KDM1A: variants seen among roughly 807,000 people sequenced by gnomAD.
KDM1A encodes lysine demethylase 1A.
In KDM1A, 49 loss-of-function variants were observed where a neutral mutation model predicts 109.4. The observed-to-expected ratio is 0.45, with a 90% CI of 0.36 to 0.57. KDM1A has a LOEUF of 0.57. Ranked by LOEUF, KDM1A falls within the 20% of genes least tolerant of loss-of-function variation. The probability of loss-of-function intolerance (pLI) is 0.00; values close to 1 mark genes in which losing one functional copy is unlikely to be tolerated. For missense variants in KDM1A, 668 were observed against 1,116.6 expected (o/e 0.60, Z 5.73); for synonymous variants, 380 against 415.4 (o/e 0.91, Z 1.04).
rs1373493713 is a variant in KDM1A at position 23,019,507 on chromosome 1, A to G, written c.-90A>G. The G allele has an allele frequency of 2.3e-6, 3 of 1,304,562 alleles. No individual in the cohort carries two copies. The highest frequency in any genetic ancestry group is 3.0e-5 in the African/African-American group (2 of 65,782). The allele number at this position is 1,304,562 out of a possible 1,614,324, so 80.8% of individuals were successfully genotyped here. On this transcript the variant is annotated 5_prime_UTR_variant, in exon 1 of 21. Transcript: ENST00000400181. Reference sequence around the variant, plus strand: ...CGACGGCGGTTGGCGGCGCGCGGGCAGCGTGAAGCGAGGCGAGGCAAGGCT... The same window carrying G: ...CGACGGCGGTTGGCGGCGCGCGGGCGGCGTGAAGCGAGGCGAGGCAAGGCT...
At chr1:23,059,293 G>T (rs750791315) in intron 9 of KDM1A, 126 bp downstream of exon 9, 21 of 763,406 alleles carry the variant, frequency 2.8e-5, no homozygotes, top group African/African-American at 2.7e-4. Flanking sequence ...ATAAACTGAG[G>T]GTAGAGATGA....
At chr1:23,044,772 T>C (rs552737368) in intron 3 of KDM1A, among the ~76,000 whole-genome samples, 3 of 152,038 alleles carry the variant, frequency 2.0e-5, no homozygotes, top group South Asian at 2.1e-4. Flanking sequence ...AAACATGATA[T>C]AGAACATAGA....
chr1:23,066,138 A>G, intron 10 of KDM1A, 67 bp downstream of exon 10: 1 of 1,092,124 alleles, frequency 9.2e-7, no homozygotes, highest in Non-Finnish European at 1.4e-6. Flanking sequence ...AAAGCTTGAA[A>G]CCTAAATCTT....
intron 20 of KDM1A, chr1:23,082,976 G>A (rs1569837509): frequency 3.7e-6 from 2 of 537,254 alleles, no homozygotes; most frequent in East Asian, 6.2e-5. Flanking sequence ...CTGAGCCTAG[G>A]TAGAGTTTTA....
chr1:23,031,457 C>T (rs916760243), intron 2 of KDM1A, among the ~76,000 whole-genome samples: 2 of 152,144 alleles, frequency 1.3e-5, no homozygotes, highest in African/African-American at 2.4e-5. Context: ...TTCTTTTAGT[C>T]CTGTACCTTT....
intron 2 of KDM1A, among the ~76,000 whole-genome samples, chr1:23,041,718 G>C (rs1431763052): frequency 6.6e-6 from 1 of 152,010 alleles, no homozygotes; most frequent in Non-Finnish European, 1.5e-5. Context: ...TGGGATTACA[G>C]GCGTGAGCCA....
At chr1:23,053,418 C>G (rs1342638662) in intron 4 of KDM1A, among the ~76,000 whole-genome samples, 1 of 152,138 alleles carries the variant, frequency 6.6e-6, no homozygotes. Context: ...TAAGCTCTTG[C>G]TCTGTTGCCC....
At chr1:23,082,090 TC>T in intron 19 of KDM1A, 129 bp from the exon 20 acceptor site, 1 of 902,322 alleles carries the variant, frequency 1.1e-6, no homozygotes, top group Non-Finnish European at 1.7e-6. Flanking sequence ...CATCACTTGA[TC>T]ACTGGCTCTC....
intron 6 of KDM1A, 85 bp from the exon 7 acceptor site, chr1:23,055,847 A>AG: frequency 1.4e-6 from 1 of 717,610 alleles, no homozygotes; most frequent in East Asian, 2.7e-5. Flanking sequence ...TTATGTTAAG[A>AG]ACCTAGAGGT....
intron 1 of KDM1A, among the ~76,000 whole-genome samples, chr1:23,020,748 A>G (rs373296532): frequency 2.6e-5 from 4 of 152,290 alleles, no homozygotes; most frequent in East Asian, 3.9e-4. Flanking sequence ...TATTTTAGGA[A>G]TGAGTAAACT....
intron 2 of KDM1A, among the ~76,000 whole-genome samples, chr1:23,035,764 A>G (rs192616180): frequency 6.4e-4 from 98 of 152,352 alleles, no homozygotes; most frequent in African/African-American, 2.2e-3. Context: ...AAAATTTCAT[A>G]TAACAAAAGA....
intron 10 of KDM1A, among the ~76,000 whole-genome samples, chr1:23,066,302 G>A (rs764963279): frequency 1.3e-4 from 20 of 152,268 alleles, no homozygotes; most frequent in Admixed American, 1.0e-3. Flanking sequence ...GACTAAGGGG[G>A]AAAGTGTAAT....
At chr1:23,054,290 A>G (rs574530) in intron 5 of KDM1A, among the ~76,000 whole-genome samples, 1,917 of 152,222 alleles carry the variant, frequency 0.013, 53 homozygotes, top group African/African-American at 0.044. Flanking sequence ...AGACACAGTG[A>G]TGTGCACCTA....
intron 4 of KDM1A, among the ~76,000 whole-genome samples, chr1:23,052,633 CAT>C (rs1407839833): frequency 2.0e-5 from 3 of 152,104 alleles, no homozygotes. Flanking sequence ...TTGATTGTAC[CAT>C]ATGTTTTTTT....
chr1:23,064,697 T>C (rs1293857124), intron 9 of KDM1A, among the ~76,000 whole-genome samples: 6 of 152,212 alleles, frequency 3.9e-5, no homozygotes, highest in Non-Finnish European at 8.8e-5. Context: ...TCCAGAAAGT[T>C]GTTTGGCTTT....
Position 23,066,051 on chromosome 1 carries a change from G to C in KDM1A, c.1168-9G>C, listed in dbSNP as rs1223622625. 5 of 1,607,584 alleles carry C rather than the reference G, an allele frequency of 3.1e-6. 1 individual carries two copies. The highest frequency in any genetic ancestry group is 1.3e-5 in the African/African-American group (1 of 74,568). On this transcript the variant is annotated splice_polypyrimidine_tract_variant and intron_variant, in intron 9 of 20. Transcript: ENST00000400181. ...AGTTTATTTCTCTCTCTGCTGCACT[G>C]GTTAAAAGGACACTGTCAAGGTATT...
chr1:23,059,281 A>C (rs1357481320), intron 9 of KDM1A, 114 bp downstream of exon 9: 4 of 773,700 alleles, frequency 5.2e-6, no homozygotes, highest in South Asian at 2.8e-5. Context: ...GTGTATATAT[A>C]TATAAACTGA....
At chr1:23,069,592 G>C (rs1643260179) in intron 12 of KDM1A, among the ~76,000 whole-genome samples, 1 of 152,198 alleles carries the variant, frequency 6.6e-6, no homozygotes, top group African/African-American at 2.4e-5. Flanking sequence ...GCCACGAGTT[G>C]GACAAGCGTG....
chr1:23,067,428 T>C (rs1643190029), intron 10 of KDM1A, among the ~76,000 whole-genome samples: 1 of 152,148 alleles, frequency 6.6e-6, no homozygotes, highest in South Asian at 2.1e-4. Context: ...AAATCGTCTG[T>C]TGGGTTGGGA....
Sources: allele counts gnomAD v4.1 joint callset (sites outside exome capture counted in the v4.1 genomes callset), GRCh38; gene constraint gnomAD v4.1.1; transcripts MANE v1.5; gene names NCBI Gene and HGNC (gene_info 2026-07-23, HGNC 2026-07-21).